ETS1: variants seen among roughly 807,000 people sequenced by gnomAD.
ETS1 encodes the protein protein C-ets-1.
A neutral mutation model predicts 58.6 loss-of-function variants in ETS1; 15 were observed. That is an observed-to-expected ratio of 0.26 (90% CI 0.17 to 0.39). ETS1 has a LOEUF of 0.39. Among genes scored for constraint, ETS1 ranks in the 10% least tolerant of loss-of-function variants. The probability of loss-of-function intolerance (pLI) is 1.00; values close to 1 mark genes in which losing one functional copy is unlikely to be tolerated. For synonymous variants in ETS1, 214 were observed against 218.2 expected, an observed-to-expected ratio of 0.98 and a Z score of 0.17; for missense variants, 417 against 610.5, an observed-to-expected ratio of 0.68 and a Z score of 3.34.
chr11:128,494,492 A>C (rs1862886054), intron 3 of ETS1, among the ~76,000 whole-genome samples: 1 of 152,242 alleles, frequency 6.6e-6, no homozygotes, highest in South Asian at 2.1e-4. Context: ...TTTTGAATGC[A>C]GGGAAACATC....
At chr11:128,538,263 C>A (rs1439166309) in intron 3 of ETS1, among the ~76,000 whole-genome samples, 1 of 152,224 alleles carries the variant, frequency 6.6e-6, no homozygotes, top group East Asian at 1.9e-4. Flanking sequence ...TTCAAACACA[C>A]AGAAGTAACT....
intron 3 of ETS1, among the ~76,000 whole-genome samples, chr11:128,508,384 C>T (rs927775269): frequency 2.6e-5 from 4 of 152,178 alleles, no homozygotes; most frequent in African/African-American, 9.7e-5. Context: ...GAAAGGTTTA[C>T]AGAAGTTAAA....
chr11:128,527,143 T>C, intron 3 of ETS1: 1 of 352,848 alleles, frequency 2.8e-6, no homozygotes, highest in Non-Finnish European at 5.6e-6. Flanking sequence ...ACACTGGATG[T>C]ATTGTCTTTG....
At chr11:128,546,026 C>A (rs1384234392) in intron 3 of ETS1, among the ~76,000 whole-genome samples, 1 of 152,226 alleles carries the variant, frequency 6.6e-6, no homozygotes, top group Non-Finnish European at 1.5e-5. Context: ...TAGCCACTTT[C>A]ATTATAAAAC....
intron 3 of ETS1, among the ~76,000 whole-genome samples, chr11:128,501,388 T>G (rs930959730): frequency 1.5e-4 from 23 of 152,238 alleles, no homozygotes; most frequent in Admixed American, 1.4e-3. Context: ...CCAGGACCTC[T>G]CCATAGAAAG....
intron 3 of ETS1, among the ~76,000 whole-genome samples, chr11:128,542,999 C>T (rs986253371): frequency 2.6e-5 from 4 of 151,992 alleles, no homozygotes; most frequent in Admixed American, 6.6e-5. Flanking sequence ...ATGGTGAAAA[C>T]CCGTCTCTAC....
chr11:128,503,040 G>A (rs1863131970), intron 3 of ETS1, among the ~76,000 whole-genome samples: 1 of 152,058 alleles, frequency 6.6e-6, no homozygotes, highest in African/African-American at 2.4e-5. Flanking sequence ...AGAAATTCAG[G>A]GCTCAACAAA....
At position 128,497,666 on chromosome 11, in the gene ETS1, A is replaced by G. The variant is rs796459124; in HGVS notation, c.215-7090T>C. ...AGCAGTTGTAATTCGGCAGCGCCGG[A>G]GTTCAGACCTGCCAGACAAAAGGGA... On this transcript the variant is annotated intron_variant, in intron 3 of 9. Coordinates refer to ENST00000392668, the MANE Select transcript of ETS1 (RefSeq NM_001143820.2). 31 of 778,138 alleles carry G rather than the reference A, an allele frequency of 4.0e-5. No individual in the cohort carries two copies. The African/African-American group carries it at 5.4e-4, about 14-fold the overall frequency. 48.2% of individuals were successfully genotyped at this position (778,138 alleles called of 1,614,324 possible).
chr11:128,540,648 CT>C (rs904257606), intron 3 of ETS1, among the ~76,000 whole-genome samples: 2 of 152,196 alleles, frequency 1.3e-5, no homozygotes, highest in African/African-American at 2.4e-5. Flanking sequence ...CCATGACCTT[CT>C]TTTCTAAACT....
At chr11:128,543,472 T>C (rs2135544666) in intron 3 of ETS1, among the ~76,000 whole-genome samples, 1 of 152,292 alleles carries the variant, frequency 6.6e-6, no homozygotes, top group South Asian at 2.1e-4. Context: ...GAAAAGTAAG[T>C]GACCAGTAAC....
chr11:128,553,268 G>A (rs117381831), intron 3 of ETS1, among the ~76,000 whole-genome samples: 70 of 152,314 alleles, frequency 4.6e-4, no homozygotes, highest in Non-Finnish European at 9.0e-4. Context: ...AGAAAATGAT[G>A]ACTACAAGAT....
rs766848139 is a variant in ETS1, at chr11:128,464,238, G to GAAA, written c.1124-614_1124-612dup. ...TCCACTTACAGGAAAGCACCCAAAG[G>GAAA]AAAAAAAAAAAAAAGCATCATTACT... On this transcript the variant is annotated intron_variant, in intron 8 of 9. Transcript: ENST00000392668. This position sits in a 1 kb window ranked among gnomAD's most constrained non-coding sequence, Gnocchi z 4.1. Among the ~76,000 whole-genome samples, 1 of 118,436 alleles carries GAAA rather than the reference G, an allele frequency of 8.4e-6. No homozygotes were observed. Among genetic ancestry groups the GAAA allele is most frequent in the Non-Finnish European group, 1.9e-5 (1 of 53,800 alleles). 77.7% of individuals were successfully genotyped at this position (118,436 alleles called of 152,430 possible).
At position 128,490,500 on chromosome 11, in the gene ETS1, G is replaced by A. The variant is rs1690180428; in HGVS notation, c.291C>T (p.Phe97=). The change falls in exon 4 of 10, where the codon TTC becomes TTT. Residue 97 remains phenylalanine (F), a synonymous_variant. Coordinates refer to ENST00000392668, the MANE Select transcript of ETS1 (RefSeq NM_001143820.2). The stretch of plus-strand genomic sequence containing the variant: ...GTTGCTGTTCTTTAGTGAAACCACT[G>A]AAAGTAGCTTTTAATGCTTGAGACA... ...EMMSQALKAT[F]SGFTKEQQRL... is the part of the protein sequence containing the mutation. 1.9e-6 allele frequency: 3 copies of A among 1,613,184 alleles called. No homozygotes were observed. Among genetic ancestry groups the A allele is most frequent in the Non-Finnish European group, 2.5e-6 (3 of 1,179,160 alleles).
intron 3 of ETS1, among the ~76,000 whole-genome samples, chr11:128,541,136 T>G (rs990582249): frequency 6.6e-6 from 1 of 152,130 alleles, no homozygotes; most frequent in African/African-American, 2.4e-5. Context: ...CTCTCATCAT[T>G]CCCAGTCCCC....
chr11:128,485,105 G>C (rs1238919171), intron 6 of ETS1, 34 bp from the exon 7 acceptor site: 3 of 1,593,460 alleles, frequency 1.9e-6, no homozygotes, highest in African/African-American at 1.3e-5. Flanking sequence ...AAAGAGAGGA[G>C]AGATTTGTAC....
intron 8 of ETS1, among the ~76,000 whole-genome samples, chr11:128,475,734 G>A (rs192852691): frequency 1.2e-3 from 189 of 152,118 alleles, no homozygotes; most frequent in African/African-American, 4.5e-3. Flanking sequence ...TGTATTTTTA[G>A]TAGAGACGGG....
intron 1 of ETS1, among the ~76,000 whole-genome samples, chr11:128,578,390 G>A (rs901943546): frequency 2.6e-5 from 4 of 152,094 alleles, no homozygotes; most frequent in African/African-American, 9.7e-5. Flanking sequence ...TTTGACATCA[G>A]TTAAGCCTTT....
At chr11:128,579,426 C>T (rs1360371957) in intron 1 of ETS1, among the ~76,000 whole-genome samples, 1 of 151,964 alleles carries the variant, frequency 6.6e-6, no homozygotes. Flanking sequence ...ATTTGAGAGG[C>T]CGAGGCAGGC....
intron 3 of ETS1, among the ~76,000 whole-genome samples, chr11:128,556,073 G>A (rs898788565): frequency 3.3e-5 from 5 of 152,208 alleles, no homozygotes; most frequent in Non-Finnish European, 5.9e-5. Context: ...AAGACCTAAA[G>A]CAACCTTTCT....
Sources: gnomAD v4.1 joint callset for allele counts (sites outside exome capture counted in the v4.1 genomes callset) on GRCh38, gnomAD v4.1.1 for gene constraint, Gnocchi (gnomAD v3.1) non-coding constraint, MANE v1.5 for transcripts, NCBI Gene and HGNC (gene_info 2026-07-23, HGNC 2026-07-21) for gene names.